GRIK1: variants seen among roughly 807,000 people sequenced by gnomAD.
GRIK1 encodes the protein glutamate ionotropic receptor kainate type subunit 1.
Under a neutral mutation model 105.7 loss-of-function variants are expected in GRIK1, and 69 were observed. That is an observed-to-expected ratio of 0.65 (90% CI 0.54 to 0.80). The LOEUF is 0.80. Ranked by LOEUF, GRIK1 falls within the 30% of genes least tolerant of loss-of-function variation. The pLI is 0.00. For missense variants in GRIK1, 1,109 were observed against 1,167.3 expected (o/e 0.95, Z 0.73); for synonymous variants, 438 against 431.3 (o/e 1.02, Z -0.19).
chr21:29,544,874 C>G (rs1326843658), intron 16 of GRIK1, among the ~76,000 whole-genome samples: 1 of 152,212 alleles, frequency 6.6e-6, no homozygotes, highest in African/African-American at 2.4e-5. Flanking sequence ...AGCCTAGATG[C>G]CAAGGGAGAT....
chr21:29,563,224 A>C (rs1420024442), intron 14 of GRIK1, among the ~76,000 whole-genome samples: 1 of 152,202 alleles, frequency 6.6e-6, no homozygotes, highest in African/African-American at 2.4e-5. Flanking sequence ...CATAAGCAAA[A>C]AATGGAATAC....
At position 29,543,043 on chromosome 21, in the gene GRIK1, A is replaced by T. The variant is rs58935649; in HGVS notation, c.2608-5159T>A. On this transcript the variant is annotated intron_variant, in intron 16 of 17. Transcript: ENST00000327783. ...TATGATTTGGAGTATTTTTATAAAG[A>T]CAATTTCAGTAAAATGTAGACTATT... Among the ~76,000 whole-genome samples, 1,194 of 152,348 alleles carry T rather than the reference A, an allele frequency of 7.8e-3. 19 individuals are homozygous for T. Among genetic ancestry groups the T allele is most frequent in the African/African-American group, 0.028 (1,156 of 41,578 alleles).
intron 1 of GRIK1, among the ~76,000 whole-genome samples, chr21:29,770,412 G>A (rs567933623): frequency 9.2e-5 from 14 of 152,284 alleles, no homozygotes; most frequent in African/African-American, 3.4e-4. Flanking sequence ...CAGGGGTGCC[G>A]ATGACTCCAA....
rs1170629530 is a variant in GRIK1 at position 29,707,444 on chromosome 21, C to CT, written c.119-13382dup. Reference sequence around the variant, plus strand: ...TTTCTTTCCCTTCCTCCCTCCCTCCCTCCCTCCCTCCCTCCCTCCCTCCCT... The same window carrying CT: ...TTTCTTTCCCTTCCTCCCTCCCTCCCTTCCCTCCCTCCCTCCCTCCCTCCCT... On this transcript the variant is annotated intron_variant, in intron 1 of 17. Transcript: ENST00000327783. Among the ~76,000 whole-genome samples the CT allele has an allele frequency of 6.6e-3, 513 of 77,568 alleles. 41 individuals carry two copies. The highest frequency in any genetic ancestry group is 0.031 in the South Asian group (41 of 1,332). 50.9% of individuals were successfully genotyped at this position (77,568 alleles called of 152,430 possible).
chr21:29,740,399 G>A (rs2064898016), intron 1 of GRIK1, among the ~76,000 whole-genome samples: 1 of 152,038 alleles, frequency 6.6e-6, no homozygotes, highest in Admixed American at 6.5e-5. Flanking sequence ...TGTATTTTTA[G>A]TGGAGATGGG....
intron 1 of GRIK1, among the ~76,000 whole-genome samples, chr21:29,779,634 T>C (rs1003680371): frequency 2.0e-5 from 3 of 152,152 alleles, no homozygotes; most frequent in African/African-American, 7.2e-5. Flanking sequence ...GGAGGCTTTA[T>C]GGCCATGAAT....
chr21:29,888,637 A>G (rs1357024334), intron 1 of GRIK1, among the ~76,000 whole-genome samples: 2 of 152,168 alleles, frequency 1.3e-5, no homozygotes, highest in African/African-American at 4.8e-5. Context: ...TCAACAGCTA[A>G]CAAATGCCAC....
rs778031311 is a variant in GRIK1 at position 29,537,744 on chromosome 21, T to C, written c.2694+54A>G. ...CCCACTGAGATGATCCAAACATTGA[T>C]AGGATTATCAAGGCATACGGACACT... On this transcript the variant is annotated intron_variant, in intron 17 of 17. Transcript: ENST00000327783. 1.2e-5 allele frequency: 10 copies of C among 865,326 alleles called. No homozygotes were observed. In the East Asian group the frequency reaches 1.4e-4, roughly 12 times the overall value. The allele number at this position is 865,326 out of a possible 1,614,324, so 53.6% of individuals were successfully genotyped here.
chr21:29,641,127 C>A (rs1333947155), intron 7 of GRIK1, among the ~76,000 whole-genome samples: 2 of 152,120 alleles, frequency 1.3e-5, no homozygotes, highest in Admixed American at 6.6e-5. Flanking sequence ...GATACTATAC[C>A]CATCTTATAG....
chr21:29,836,819 T>A (rs2067821726), intron 1 of GRIK1, among the ~76,000 whole-genome samples: 1 of 152,202 alleles, frequency 6.6e-6, no homozygotes, highest in Non-Finnish European at 1.5e-5. Flanking sequence ...AGTATAAAGC[T>A]TAGTTATCTT....
intron 1 of GRIK1, among the ~76,000 whole-genome samples, chr21:29,863,949 A>T (rs957838586): frequency 1.3e-5 from 2 of 152,092 alleles, no homozygotes; most frequent in African/African-American, 4.8e-5. Context: ...CCTCATGTTT[A>T]CATCCCTTCA....
rs1314364070 is a variant in GRIK1, at chr21:29,710,785, CTCCCTCCTTCCTTCCTTCCTTCCT to C, written c.119-16746_119-16723del. ...CCTCCGTCCGTCCCTCCCTCCCTCC[CTCCCTCCTTCCTTCCTTCCTTCCT>C]TCCTTCCTTCCTTCCTTCCTTCCTT... On this transcript the variant is annotated intron_variant, in intron 1 of 17. Transcript: ENST00000327783. 1.2e-4 allele frequency among the ~76,000 whole-genome samples: 6 copies of C among 48,970 alleles called. No homozygotes were observed. The East Asian group carries it at 1.8e-3, about 14-fold the overall frequency. 32.1% of individuals were successfully genotyped at this position (48,970 alleles called of 152,430 possible).
intron 8 of GRIK1, chr21:29,596,854 C>T (rs2061424152): frequency 2.3e-6 from 1 of 435,636 alleles, no homozygotes; most frequent in South Asian, 2.1e-5. Context: ...TACAGGTATG[C>T]TGCAGTATTA....
chr21:29,923,416 A>C (rs149621964), intron 1 of GRIK1, among the ~76,000 whole-genome samples: 77 of 152,358 alleles, frequency 5.1e-4, no homozygotes, highest in African/African-American at 1.8e-3. Flanking sequence ...GGAAGCTATC[A>C]TTAACTCAAT....
At chr21:29,819,942 T>C (rs1253719716) in intron 1 of GRIK1, among the ~76,000 whole-genome samples, 1 of 151,950 alleles carries the variant, frequency 6.6e-6, no homozygotes, top group Non-Finnish European at 1.5e-5. Flanking sequence ...ACACTGAGAC[T>C]AAGATGAGTC....
chr21:29,565,847 C>T (rs2090600698), intron 14 of GRIK1, among the ~76,000 whole-genome samples: 1 of 152,212 alleles, frequency 6.6e-6, no homozygotes. Context: ...CCAACCCCTT[C>T]CTATCACATA....
At position 29,653,133 on chromosome 21, in the gene GRIK1, G is replaced by T. The variant is rs563416834; in HGVS notation, c.780+1677C>A. On this transcript the variant is annotated intron_variant, in intron 5 of 17. Transcript: ENST00000327783. ...GGACAGAATGCAGATAAAATCAGAG[G>T]AAAAGGATGAAAGAAGCAAAGTTAA... is the stretch of plus-strand genomic sequence containing the variant. 4.6e-5 allele frequency among the ~76,000 whole-genome samples: 7 copies of T among 152,214 alleles called. No homozygotes were observed. In the South Asian group the frequency reaches 1.5e-3, roughly 32 times the overall value.
intron 16 of GRIK1, among the ~76,000 whole-genome samples, chr21:29,550,377 G>T (rs2090114074): frequency 6.6e-6 from 1 of 152,096 alleles, no homozygotes; most frequent in Non-Finnish European, 1.5e-5. Context: ...TAGGATTAGT[G>T]GCTCTACCTC....
At chr21:29,861,499 G>A (rs1304661674) in intron 1 of GRIK1, among the ~76,000 whole-genome samples, 1 of 151,824 alleles carries the variant, frequency 6.6e-6, no homozygotes, top group East Asian at 1.9e-4. Flanking sequence ...GTAGAGACAG[G>A]GTTTTGTCAT....
Sources: allele counts gnomAD v4.1 joint callset (sites outside exome capture counted in the v4.1 genomes callset), GRCh38; gene constraint gnomAD v4.1.1; transcripts MANE v1.5; gene names NCBI Gene and HGNC (gene_info 2026-07-23, HGNC 2026-07-21).